The following RGS7 variants were observed in gnomAD, a reference collection of about 807,000 sequenced individuals.
The protein encoded by RGS7 is regulator of G protein signaling 7.
In RGS7, 27 loss-of-function variants were observed where a neutral mutation model predicts 81.1. The observed-to-expected ratio is 0.33, with a 90% confidence interval of 0.25 to 0.46. The LOEUF (loss-of-function observed/expected upper bound fraction) is 0.46, where lower values mean the gene tolerates loss of function less well. RGS7 is among the 20% of genes least tolerant of loss of function. RGS7 has a pLI of 1.00. For missense variants in RGS7, 396 were observed against 607.4 expected (o/e 0.65, Z 3.66); for synonymous variants, 208 against 207.7 (o/e 1.00, Z -0.01).
chr1:241,354,181 CAG>C lies in RGS7; in HGVS notation c.78+1516_78+1517del, dbSNP rs200550170. Among the ~76,000 whole-genome samples the C allele has an allele frequency of 1.0e-2, 1,519 of 152,232 alleles. 33 individuals are homozygous for C. Among genetic ancestry groups the C allele is most frequent in the African/African-American group, 0.032 (1,335 of 41,556 alleles). Reference sequence around the variant, plus strand: ...CTCACAGCTTGCATATTACAATACTCAGAGTCTTACCAAACACAAAATATTAT... The same window carrying C: ...CTCACAGCTTGCATATTACAATACTCAGTCTTACCAAACACAAAATATTAT... On this transcript the variant is annotated intron_variant, in intron 2 of 18. Coordinates refer to ENST00000440928, the MANE Select transcript of RGS7 (RefSeq NM_001364886.1).
chr1:241,348,924 CA>C (rs910699906), intron 2 of RGS7, among the ~76,000 whole-genome samples: 55 of 152,160 alleles, frequency 3.6e-4, no homozygotes, highest in African/African-American at 1.2e-3. Context: ...CTTTCATTAT[CA>C]AAAAATATGG....
At chr1:241,051,208 C>T (rs148370388) in intron 3 of RGS7, among the ~76,000 whole-genome samples, 1,769 of 152,226 alleles carry the variant, frequency 0.012, 17 homozygotes, top group Middle Eastern at 0.058. Context: ...ACAGTGGAAG[C>T]TCAATGAAGT....
In RGS7 at chr1:240,817,750, G is replaced by A. The variant is rs543410904; in HGVS notation, c.685-1335C>T. Among the ~76,000 whole-genome samples, 29 of 152,152 alleles carry A rather than the reference G, an allele frequency of 1.9e-4. No homozygotes were observed. In the East Asian group the frequency reaches 5.4e-3, roughly 28 times the overall value. The stretch of plus-strand genomic sequence containing the variant: ...CCCAAGTAGCTGAGATTACAGGCAC[G>A]TGCCACCACACCCGGCTAATTTTTG... On this transcript the variant is annotated intron_variant, in intron 10 of 18. Transcript: ENST00000440928.
At chr1:240,920,968 T>C (rs892870475) in intron 6 of RGS7, among the ~76,000 whole-genome samples, 1 of 151,602 alleles carries the variant, frequency 6.6e-6, no homozygotes, top group Non-Finnish European at 1.5e-5. Flanking sequence ...ATGTACTGTA[T>C]AAAGTTAGTC....
chr1:240,802,801 A>C, intron 16 of RGS7, 103 bp downstream of exon 16: 1 of 819,264 alleles, frequency 1.2e-6, no homozygotes, highest in South Asian at 1.3e-5. Flanking sequence ...GAGTATGTTC[A>C]CTTACCATTA....
At chr1:240,987,206 ACT>A (rs1330984247) in intron 3 of RGS7, among the ~76,000 whole-genome samples, 1 of 152,162 alleles carries the variant, frequency 6.6e-6, no homozygotes, top group Non-Finnish European at 1.5e-5. Context: ...AGATATGAGG[ACT>A]CTGTAAGCAA....
At chr1:241,289,848 G>A (rs960873943) in intron 2 of RGS7, among the ~76,000 whole-genome samples, 3 of 152,080 alleles carry the variant, frequency 2.0e-5, no homozygotes, top group Non-Finnish European at 2.9e-5. Context: ...TGCTACCTGA[G>A]TGAGAAGAGG....
intron 13 of RGS7, among the ~76,000 whole-genome samples, 162 bp downstream of exon 13, chr1:240,813,456 A>G (rs1468099739): frequency 6.6e-6 from 1 of 151,732 alleles, no homozygotes; most frequent in Non-Finnish European, 1.5e-5. Context: ...GCAAATGTCT[A>G]AGTTTCAAAA....
At chr1:241,026,942 A>C (rs1309876540) in intron 3 of RGS7, among the ~76,000 whole-genome samples, 3 of 151,796 alleles carry the variant, frequency 2.0e-5, no homozygotes, top group Non-Finnish European at 2.9e-5. Flanking sequence ...TGGTAAGAGG[A>C]GAGGTACTGA....
At chr1:241,329,831 T>C (rs981873493) in intron 2 of RGS7, among the ~76,000 whole-genome samples, 4 of 152,190 alleles carry the variant, frequency 2.6e-5, no homozygotes, top group Admixed American at 6.5e-5. Flanking sequence ...ATATAAAACA[T>C]ACATGATGGT....
intron 4 of RGS7, among the ~76,000 whole-genome samples, chr1:240,978,367 A>T (rs1270745633): frequency 6.6e-6 from 1 of 152,244 alleles, no homozygotes; most frequent in Admixed American, 6.5e-5. Context: ...GCAATCAATG[A>T]AACATAACTT....
At chr1:240,829,558 T>C (rs1333304864) in intron 9 of RGS7, among the ~76,000 whole-genome samples, 1 of 152,228 alleles carries the variant, frequency 6.6e-6, no homozygotes. Flanking sequence ...TCTATTTCTT[T>C]GCAGCCTTCC....
intron 2 of RGS7, among the ~76,000 whole-genome samples, chr1:241,307,878 C>T (rs2080273042): frequency 6.6e-6 from 1 of 152,140 alleles, no homozygotes; most frequent in Admixed American, 6.5e-5. Flanking sequence ...GTGTCCTCAG[C>T]CAAAGTCACA....
intron 2 of RGS7, among the ~76,000 whole-genome samples, chr1:241,167,274 C>G (rs763322569): frequency 1.3e-5 from 2 of 152,096 alleles, no homozygotes; most frequent in Admixed American, 1.3e-4. Context: ...CGTGTTTGGC[C>G]GGGGGCAGAC....
chr1:241,047,590 G>A (rs961342808), intron 3 of RGS7, among the ~76,000 whole-genome samples: 2 of 152,036 alleles, frequency 1.3e-5, no homozygotes, highest in Admixed American at 1.3e-4. Context: ...CAGGGAACTT[G>A]ACTTTCAAAT....
intron 2 of RGS7, among the ~76,000 whole-genome samples, chr1:241,220,945 A>AGAAGCAAG (rs778713412): frequency 2.4e-5 from 3 of 123,758 alleles, no homozygotes; most frequent in Non-Finnish European, 1.7e-5. Context: ...GAAGGAAGGA[A>AGAAGCAAG]GAAGCAAGGA....
chr1:241,171,130 G>A (rs1240702701), intron 2 of RGS7, among the ~76,000 whole-genome samples: 4 of 152,060 alleles, frequency 2.6e-5, no homozygotes, highest in Admixed American at 1.3e-4. Flanking sequence ...TATTTAAAAC[G>A]GAAAGAAACA....
At position 240,930,581 on chromosome 1, in the gene RGS7, T is replaced by C. The variant is rs1292027340; in HGVS notation, c.385+136A>G. On this transcript the variant is annotated intron_variant, in intron 6 of 18. Coordinates refer to ENST00000440928, the MANE Select transcript of RGS7 (RefSeq NM_001364886.1). ...CTTTCCAAACAAAGCCGCTTATCAA[T>C]TCAATGTTAAAAATATTGGTCCCAT... is the stretch of plus-strand genomic sequence containing the variant. The C allele has an allele frequency of 3.5e-6, 3 of 857,732 alleles. No homozygotes were observed. In the East Asian group the frequency reaches 7.5e-5, roughly 21 times the overall value. The allele number at this position is 857,732 out of a possible 1,614,324, so 53.1% of individuals were successfully genotyped here.
chr1:241,018,508 T>G lies in RGS7; in HGVS notation c.176-35379A>C, dbSNP rs149385046. ...TCCTCTAGTGTTTGTTTTGTTTTTG[T>G]TTTTGTTTCTATTTTTTTGTCTTTT... On this transcript the variant is annotated intron_variant, in intron 3 of 18. Transcript: ENST00000440928. Among the ~76,000 whole-genome samples the G allele has an allele frequency of 2.9e-4, 44 of 152,236 alleles. No homozygotes were observed. The East Asian group carries it at 8.3e-3, about 29-fold the overall frequency.
Sources: gnomAD v4.1 joint callset for allele counts (sites outside exome capture counted in the v4.1 genomes callset) on GRCh38, gnomAD v4.1.1 for gene constraint, MANE v1.5 for transcripts, NCBI Gene and HGNC (gene_info 2026-07-23, HGNC 2026-07-21) for gene names.